TMEM178B: variants seen among roughly 807,000 people sequenced by gnomAD.
TMEM178B encodes the protein transmembrane protein 178B.
In TMEM178B, 5 loss-of-function variants were observed where a neutral mutation model predicts 31.0. That is an observed-to-expected ratio of 0.16 (90% CI 0.08 to 0.34). The LOEUF (loss-of-function observed/expected upper bound fraction) is 0.34. Among genes scored for constraint, TMEM178B ranks in the 10% least tolerant of loss-of-function variants. The pLI is 1.00. For synonymous variants in TMEM178B, 164 were observed against 164.0 expected, an observed-to-expected ratio of 1.00 and a Z score of 0.00; for missense variants, 275 against 400.3, an observed-to-expected ratio of 0.69 and a Z score of 2.67.
chr7:141,074,752 C>A lies in TMEM178B; in HGVS notation c.382+60C>A. 4 of 1,436,262 alleles carry A rather than the reference C, an allele frequency of 2.8e-6. No individual in the cohort carries two copies. The highest frequency in any genetic ancestry group is 3.6e-6 in the Non-Finnish European group (4 of 1,100,216). 89.0% of individuals were successfully genotyped at this position (1,436,262 alleles called of 1,614,324 possible). ...AGCCCGGCGCCTTTAGGCCCCGCAG[C>A]CCCTCGCGTCTCCTTCCCAGGCCAC... On this transcript the variant is annotated intron_variant, in intron 1 of 3. Coordinates refer to ENST00000565468, the MANE Select transcript of TMEM178B (RefSeq NM_001195278.2). The surrounding 1 kb of genome is among the most constrained non-coding windows in gnomAD (Gnocchi z 5.1).
intron 2 of TMEM178B, among the ~76,000 whole-genome samples, chr7:141,339,760 G>A (rs548328938): frequency 8.5e-5 from 13 of 152,166 alleles, no homozygotes; most frequent in South Asian, 8.3e-4. Flanking sequence ...TAAGCTGGGG[G>A]AGAATGTAGG....
At chr7:141,389,987 C>T (rs1283375198) in intron 2 of TMEM178B, among the ~76,000 whole-genome samples, 1 of 152,108 alleles carries the variant, frequency 6.6e-6, no homozygotes, top group Non-Finnish European at 1.5e-5. Context: ...AGGGACCAGG[C>T]ACATGGCTGG....
At chr7:141,384,185 G>A (rs2116592748) in intron 2 of TMEM178B, among the ~76,000 whole-genome samples, 1 of 152,182 alleles carries the variant, frequency 6.6e-6, no homozygotes, top group East Asian at 1.9e-4. Context: ...TCACTCTGAT[G>A]GTAGTTTCTT....
At chr7:141,307,512 A>G (rs746368883) in intron 2 of TMEM178B, among the ~76,000 whole-genome samples, 1 of 152,208 alleles carries the variant, frequency 6.6e-6, no homozygotes, top group Non-Finnish European at 1.5e-5. Context: ...CCTTAGGCCA[A>G]CAGGAGGCTC....
At chr7:141,237,063 G>T (rs1225713178) in intron 2 of TMEM178B, among the ~76,000 whole-genome samples, 1 of 152,314 alleles carries the variant, frequency 6.6e-6, no homozygotes, top group African/African-American at 2.4e-5. Context: ...AATCTGAGAT[G>T]CAAATTAATA....
chr7:141,490,521 G>T, the TMEM178B span, among the ~76,000 whole-genome samples: 1 of 152,208 alleles, frequency 6.6e-6, no homozygotes, highest in Non-Finnish European at 1.5e-5. Context: ...CTCCCTCACA[G>T]CCTCAGGGGG....
chr7:141,344,580 C>T lies in TMEM178B; in HGVS notation c.497-93028C>T, dbSNP rs1210442558. On this transcript the variant is annotated intron_variant, in intron 2 of 3. Coordinates refer to ENST00000565468, the MANE Select transcript of TMEM178B (RefSeq NM_001195278.2). This position sits in a 1 kb window ranked among gnomAD's most constrained non-coding sequence, Gnocchi z 4.1. The stretch of plus-strand genomic sequence containing the variant: ...CCCTCCATTCCTCCCTCCTCCCTTC[C>T]TTCCTTCCTTCCTTCCTTCCTTCCT... Among the ~76,000 whole-genome samples the T allele has an allele frequency of 2.4e-5, 2 of 83,490 alleles. No individual in the cohort carries two copies. Among genetic ancestry groups the T allele is most frequent in the African/African-American group, 1.2e-4 (2 of 16,024 alleles). 54.8% of individuals were successfully genotyped at this position (83,490 alleles called of 152,430 possible). A position where few individuals can be genotyped will look rare whatever the true frequency, so the allele number is the denominator to read the frequency against.
intron 2 of TMEM178B, among the ~76,000 whole-genome samples, chr7:141,260,204 G>A (rs1797989795): frequency 1.3e-5 from 2 of 151,312 alleles, no homozygotes; most frequent in Admixed American, 1.3e-4. Flanking sequence ...GTTTTGTTTT[G>A]CAGTATACTC....
chr7:141,166,980 C>T (rs1280006889), intron 1 of TMEM178B, among the ~76,000 whole-genome samples: 1 of 152,204 alleles, frequency 6.6e-6, no homozygotes, highest in African/African-American at 2.4e-5. Context: ...GTTAACTCTG[C>T]CAGATTCGTA....
At chr7:141,210,106 T>G (rs1212214897) in intron 1 of TMEM178B, among the ~76,000 whole-genome samples, 1 of 152,154 alleles carries the variant, frequency 6.6e-6, no homozygotes, top group Non-Finnish European at 1.5e-5. Context: ...GGTTTTAATC[T>G]TGGCACTGCT....
Position 141,461,299 on chromosome 7 carries a change from A to G in TMEM178B, c.635-9237A>G, listed in dbSNP as rs1802055465. On this transcript the variant is annotated intron_variant, in intron 3 of 3. Coordinates refer to ENST00000565468, the MANE Select transcript of TMEM178B (RefSeq NM_001195278.2). This position sits in a 1 kb window ranked among gnomAD's most constrained non-coding sequence, Gnocchi z 4.0. ...ACCTGTAGGGCTCCAGTCAGAACAT[A>G]GGCCCTCTCTCCACATAGCAACAAG... is the stretch of plus-strand genomic sequence containing the variant. 6.6e-6 allele frequency among the ~76,000 whole-genome samples: 1 copy of G among 152,162 alleles called. No homozygotes were observed. The highest frequency in any genetic ancestry group is 2.4e-5 in the African/African-American group (1 of 41,446).
At chr7:141,483,373 G>A (rs1309771975), downstream of TMEM178B, among the ~76,000 whole-genome samples, 1 of 152,000 alleles carries the variant, frequency 6.6e-6, no homozygotes, top group Non-Finnish European at 1.5e-5. Context: ...TCTTTCCCCG[G>A]GAAGACCATT....
intron 2 of TMEM178B, among the ~76,000 whole-genome samples, chr7:141,293,564 A>G (rs1404252730): frequency 6.6e-6 from 1 of 152,152 alleles, no homozygotes; most frequent in Non-Finnish European, 1.5e-5. Context: ...AGGCAGAGGA[A>G]ATGGAAAAAA....
At chr7:141,490,333 C>G in the TMEM178B span, among the ~76,000 whole-genome samples, 2 of 152,204 alleles carry the variant, frequency 1.3e-5, no homozygotes, top group African/African-American at 4.8e-5. Context: ...TTAGACTTGG[C>G]CCCTAACTCA....
chr7:141,323,181 T>C (rs1336157437), intron 2 of TMEM178B, among the ~76,000 whole-genome samples: 1 of 152,158 alleles, frequency 6.6e-6, no homozygotes, highest in Non-Finnish European at 1.5e-5. Context: ...TCTTTAAAAA[T>C]ACTCTGTTTA....
intron 1 of TMEM178B, among the ~76,000 whole-genome samples, chr7:141,107,472 A>G (rs1380457457): frequency 6.6e-6 from 1 of 152,156 alleles, no homozygotes; most frequent in Non-Finnish European, 1.5e-5. Flanking sequence ...GGAGCGGGTG[A>G]GAAGTAGAGA....
chr7:141,112,141 T>A, intron 1 of TMEM178B, among the ~76,000 whole-genome samples: 1 of 152,370 alleles, frequency 6.6e-6, no homozygotes, highest in South Asian at 2.1e-4. Context: ...TAGGCCATTT[T>A]CATGCTTTTT....
Position 141,310,810 on chromosome 7 carries a change from A to G in TMEM178B, c.496+98106A>G, listed in dbSNP as rs184851828. 3.7e-4 allele frequency among the ~76,000 whole-genome samples: 57 copies of G among 152,340 alleles called. No homozygotes were observed. The East Asian group carries it at 9.8e-3, about 26-fold the overall frequency. On this transcript the variant is annotated intron_variant, in intron 2 of 3. Coordinates refer to ENST00000565468, the MANE Select transcript of TMEM178B (RefSeq NM_001195278.2). ...CAATCCATTACTGGATATATACCCAAAGGAATATAAATCATTCTATTATAA... is the reference window on the plus strand; with the variant it reads ...CAATCCATTACTGGATATATACCCAGAGGAATATAAATCATTCTATTATAA...
intron 1 of TMEM178B, among the ~76,000 whole-genome samples, chr7:141,211,077 C>T (rs1326067506): frequency 6.6e-6 from 1 of 152,028 alleles, no homozygotes; most frequent in Non-Finnish European, 1.5e-5. Flanking sequence ...GAAGTGGAGA[C>T]TGGCTGGTAG....
Sources: gnomAD v4.1 joint callset for allele counts (sites outside exome capture counted in the v4.1 genomes callset) on GRCh38, gnomAD v4.1.1 for gene constraint, Gnocchi (gnomAD v3.1) non-coding constraint, MANE v1.5 for transcripts, NCBI Gene and HGNC (gene_info 2026-07-23, HGNC 2026-07-21) for gene names.